Variants in BCAS1 observed in about 807,000 individuals in gnomAD.
BCAS1 encodes the protein breast carcinoma-amplified sequence 1.
Under a neutral mutation model 65.4 loss-of-function variants are expected in BCAS1, and 46 were observed. The ratio of observed to expected loss-of-function variants is 0.70; its 90% CI spans 0.55 to 0.90. The LOEUF is 0.90. Ranked by LOEUF, BCAS1 falls within the 40% of genes least tolerant of loss-of-function variation. The pLI is 0.00. For synonymous variants in BCAS1, 298 were observed against 293.5 expected (o/e 1.02, Z -0.16); for missense variants, 793 against 771.2 (o/e 1.03, Z -0.33).
intron 3 of BCAS1, among the ~76,000 whole-genome samples, chr20:54,038,901 G>A (rs2091943751): frequency 1.3e-5 from 2 of 151,472 alleles, no homozygotes; most frequent in South Asian, 4.2e-4. Flanking sequence ...GAGCTGCTCA[G>A]ATCACACACA....
intron 4 of BCAS1, among the ~76,000 whole-genome samples, chr20:54,020,022 T>C (rs530738727): frequency 6.6e-6 from 1 of 152,366 alleles, no homozygotes; most frequent in Non-Finnish European, 1.5e-5. Context: ...GTCTATCCTA[T>C]TAGTTCTGTC....
intron 1 of BCAS1, among the ~76,000 whole-genome samples, chr20:54,062,459 T>G (rs2092387552): frequency 6.6e-6 from 1 of 152,262 alleles, no homozygotes; most frequent in Non-Finnish European, 1.5e-5. Context: ...TACGTTCATA[T>G]ATACACATGC....
intron 4 of BCAS1, among the ~76,000 whole-genome samples, chr20:54,008,833 T>G (rs1267890390): frequency 1.3e-5 from 2 of 148,484 alleles, no homozygotes; most frequent in African/African-American, 2.5e-5. Context: ...TGAGACGGAG[T>G]CTTGCTCTGT....
At chr20:53,958,841 G>A (rs936723940) in intron 10 of BCAS1, among the ~76,000 whole-genome samples, 13 of 152,170 alleles carry the variant, frequency 8.5e-5, no homozygotes, top group Non-Finnish European at 1.9e-4. Flanking sequence ...AGGTTTGAGT[G>A]CCAGTGTTGG....
In BCAS1 at chr20:53,953,675, CTTTT is replaced by C; in HGVS notation, c.1568_1571del (p.Glu523GlyfsTer31). The C allele has an allele frequency of 1.2e-6, 2 of 1,613,774 alleles. No homozygotes were observed. The highest frequency in any genetic ancestry group is 1.7e-6 in the Non-Finnish European group (2 of 1,179,940). ...GTTCAGGCTCTGGCGGTGTGATAGT[CTTTT>C]CTGTGGAGTCTGATGTCTACAGCAA... On this transcript the variant is annotated frameshift_variant, in exon 12 of 13. Transcript: ENST00000688948. LOFTEE classifies it high-confidence loss of function.
At chr20:54,000,547 A>C (rs2091032075) in intron 4 of BCAS1, among the ~76,000 whole-genome samples, 1 of 152,160 alleles carries the variant, frequency 6.6e-6, no homozygotes, top group Admixed American at 6.5e-5. Flanking sequence ...TTATGATTTC[A>C]AATATTTTTT....
intron 4 of BCAS1, among the ~76,000 whole-genome samples, chr20:54,024,721 C>T (rs914340361): frequency 7.2e-5 from 11 of 152,250 alleles, no homozygotes; most frequent in East Asian, 5.8e-4. Context: ...TTGTTTCAAA[C>T]AGCAAGGTGT....
At chr20:54,042,685 C>T (rs1223900537) in intron 3 of BCAS1, among the ~76,000 whole-genome samples, 1 of 152,120 alleles carries the variant, frequency 6.6e-6, no homozygotes, top group Non-Finnish European at 1.5e-5. Context: ...TTTTCTCTGC[C>T]TTATCTTATT....
At chr20:53,981,821 C>CGTGT (rs3831644) in intron 8 of BCAS1, among the ~76,000 whole-genome samples, 46,002 of 150,130 alleles carry the variant, frequency 0.31, 7,273 homozygotes, top group African/African-American at 0.38. Context: ...CATGTGCGTG[C>CGTGT]GTGTGTGTGT....
At chr20:54,014,539 G>C (rs1433808581) in intron 4 of BCAS1, among the ~76,000 whole-genome samples, 1 of 152,190 alleles carries the variant, frequency 6.6e-6, no homozygotes. Flanking sequence ...GCCTTGTCTG[G>C]AATGATCTGT....
At chr20:54,008,809 T>A (rs534837474) in intron 4 of BCAS1, among the ~76,000 whole-genome samples, 1 of 138,086 alleles carries the variant, frequency 7.2e-6, no homozygotes, top group Non-Finnish European at 1.5e-5. Context: ...CTAACAAAGA[T>A]TTTTTTTTTT....
intron 4 of BCAS1, among the ~76,000 whole-genome samples, chr20:54,022,284 G>A (rs1184987275): frequency 7.0e-6 from 1 of 142,012 alleles, no homozygotes; most frequent in African/African-American, 2.6e-5. Flanking sequence ...TTAATTGATT[G>A]TTGTGTGTGT....
intron 7 of BCAS1, 108 bp from the exon 8 acceptor site, chr20:53,985,607 AT>A: frequency 1.1e-6 from 1 of 949,148 alleles, no homozygotes; most frequent in Non-Finnish European, 1.5e-6. Flanking sequence ...CATAATGTTA[AT>A]TTTCTTCTTT....
At position 53,963,071 on chromosome 20, in the gene BCAS1, C is replaced by T. The variant is rs143876670; in HGVS notation, c.1485+3835G>A. On this transcript the variant is annotated intron_variant, in intron 10 of 12. Coordinates refer to ENST00000688948, the MANE Select transcript of BCAS1 (RefSeq NM_001366298.2). ...TTCACCGTGTTAGCCAGGATGGTCT[C>T]GATCTCCTGACCTCGTAATCCACCC... is the stretch of plus-strand genomic sequence containing the variant. Among the ~76,000 whole-genome samples the T allele has an allele frequency of 7.6e-3, 1,147 of 151,474 alleles. 7 individuals carry two copies. Among genetic ancestry groups the T allele is most frequent in the Non-Finnish European group, 0.014 (915 of 67,672 alleles).
chr20:53,944,246 A>G lies in BCAS1; in HGVS notation c.*676T>C, dbSNP rs2089234629. 6.6e-6 allele frequency: 1 copy of G among 152,060 alleles called. No individual in the cohort carries two copies. The highest frequency in any genetic ancestry group is 2.1e-4 in the South Asian group (1 of 4,818). 9.4% of individuals were successfully genotyped at this position (152,060 alleles called of 1,614,324 possible). ...CTCCCTTCTTCAAGCTTAGAGGATA[A>G]GCACGCATTTACTACAACGCTTAAT... On this transcript the variant is annotated 3_prime_UTR_variant, in exon 13 of 13. Transcript: ENST00000688948.
intron 3 of BCAS1, among the ~76,000 whole-genome samples, chr20:54,054,427 A>G (rs918518261): frequency 8.5e-5 from 13 of 152,362 alleles, no homozygotes; most frequent in Admixed American, 7.8e-4. Flanking sequence ...GTGCATCAAA[A>G]GACATGGTCA....
chr20:53,949,792 G>A (rs1042363980), intron 12 of BCAS1, among the ~76,000 whole-genome samples: 1 of 152,162 alleles, frequency 6.6e-6, no homozygotes, highest in Admixed American at 6.5e-5. Flanking sequence ...TTATGTGTCT[G>A]GGAGGTGTGG....
intron 10 of BCAS1, among the ~76,000 whole-genome samples, chr20:53,959,598 A>G (rs2089813423): frequency 1.3e-5 from 2 of 152,068 alleles, no homozygotes; most frequent in Non-Finnish European, 2.9e-5. Context: ...GAGTCTCACT[A>G]TGTTGCCCAG....
In BCAS1 at chr20:54,000,788, T is replaced by C. The variant is rs80287685; in HGVS notation, c.724-4738A>G. ...TGTTGTTAATGTCATCCAGTGTATT[T>C]TTTACCTCACACACTGTAGTTTTTA... On this transcript the variant is annotated intron_variant, in intron 4 of 12. Coordinates refer to ENST00000688948, the MANE Select transcript of BCAS1 (RefSeq NM_001366298.2). 4.8e-3 allele frequency among the ~76,000 whole-genome samples: 735 copies of C among 152,372 alleles called. 2 individuals are homozygous for C. Among genetic ancestry groups the C allele is most frequent in the Non-Finnish European group, 7.7e-3 (526 of 68,040 alleles).
Sources: gnomAD v4.1 joint callset for allele counts (sites outside exome capture counted in the v4.1 genomes callset) on GRCh38, gnomAD v4.1.1 for gene constraint, MANE v1.5 for transcripts, NCBI Gene and HGNC (gene_info 2026-07-23, HGNC 2026-07-21) for gene names.